The following HECTD2 variants were observed in gnomAD, a reference collection of about 807,000 sequenced individuals.
HECTD2 encodes HECT domain E3 ubiquitin protein ligase 2.
In HECTD2, 35 loss-of-function variants were observed where a neutral mutation model predicts 103.2. The ratio of observed to expected loss-of-function variants is 0.34; its 90% CI spans 0.26 to 0.45. The LOEUF (loss-of-function observed/expected upper bound fraction) is 0.45. Among genes scored for constraint, HECTD2 ranks in the 20% least tolerant of loss-of-function variants. HECTD2 has a pLI of 1.00. For missense variants in HECTD2, 596 were observed against 937.4 expected (o/e 0.64, Z 4.76); for synonymous variants, 281 against 329.9 (o/e 0.85, Z 1.61).
intron 2 of HECTD2, among the ~76,000 whole-genome samples, chr10:91,454,006 C>G (rs1844954405): frequency 6.6e-6 from 1 of 152,030 alleles, no homozygotes; most frequent in Non-Finnish European, 1.5e-5. Flanking sequence ...TGTGTACGCA[C>G]CAAACAGCAG....
At chr10:91,439,251 G>C (rs963215415) in intron 2 of HECTD2, among the ~76,000 whole-genome samples, 2 of 152,050 alleles carry the variant, frequency 1.3e-5, no homozygotes, top group African/African-American at 4.8e-5. Context: ...GTTAATTTTT[G>C]TATGAGGTGT....
intron 5 of HECTD2, among the ~76,000 whole-genome samples, chr10:91,476,673 A>G (rs1845912979): frequency 6.6e-6 from 1 of 152,188 alleles, no homozygotes; most frequent in African/African-American, 2.4e-5. Flanking sequence ...TGCTTGCCCT[A>G]TCCTGTTGCT....
At chr10:91,505,033 G>C (rs1036760946) in intron 20 of HECTD2, among the ~76,000 whole-genome samples, 1 of 151,994 alleles carries the variant, frequency 6.6e-6, no homozygotes, top group African/African-American at 2.4e-5. Flanking sequence ...AGCTTCATAA[G>C]TGAAGAAGAA....
At chr10:91,462,289 C>G in intron 5 of HECTD2, 105 bp downstream of exon 5, 2 of 1,249,082 alleles carry the variant, frequency 1.6e-6, no homozygotes, top group Non-Finnish European at 2.1e-6. Context: ...CTTAGAAACT[C>G]TGATACAATT....
chr10:91,478,899 G>A (rs915031563), intron 6 of HECTD2, among the ~76,000 whole-genome samples: 1 of 151,934 alleles, frequency 6.6e-6, no homozygotes, highest in Non-Finnish European at 1.5e-5. Flanking sequence ...ATTCTTAAAT[G>A]TAATGTTACA....
At chr10:91,508,024 G>T (rs1364420805) in intron 20 of HECTD2, among the ~76,000 whole-genome samples, 1 of 129,558 alleles carries the variant, frequency 7.7e-6, no homozygotes, top group Non-Finnish European at 1.5e-5. Context: ...AATGGGGAAA[G>T]GATTCCCTAT....
In HECTD2 at chr10:91,493,388, TTAA is replaced by T. The variant is rs78182738; in HGVS notation, c.1433-25_1433-23del. On this transcript the variant is annotated intron_variant, in intron 13 of 20. Transcript: ENST00000298068. ...CTTTGATTTTTTTAAGTCAATCATG[TTAA>T]TAATAACATTATTCGTGTGTTTTTT... 1,982 of 1,235,084 alleles carry T rather than the reference TTAA, an allele frequency of 1.6e-3. 27 individuals are homozygous for T. The East Asian group carries it at 0.036, about 22-fold the overall frequency. The allele number at this position is 1,235,084 out of a possible 1,614,324, so 76.5% of individuals were successfully genotyped here.
At chr10:91,445,640 T>A (rs1253690614) in intron 2 of HECTD2, among the ~76,000 whole-genome samples, 5 of 152,122 alleles carry the variant, frequency 3.3e-5, no homozygotes, top group Admixed American at 1.3e-4. Flanking sequence ...CCCAGTGAGA[T>A]CAACGCAGAA....
At position 91,513,742 on chromosome 10, in the gene HECTD2, A is replaced by G. The variant is rs536230565; in HGVS notation, c.*1358A>G. ...GTACCAGCATATGGTTCATATGCAA[A>G]TAATACTTTCCCCAAAATCTTTCTG... On this transcript the variant is annotated 3_prime_UTR_variant, in exon 21 of 21. Transcript: ENST00000298068. The G allele has an allele frequency of 6.5e-6, 1 of 152,754 alleles. No individual in the cohort carries two copies. Among genetic ancestry groups the G allele is most frequent in the Non-Finnish European group, 1.5e-5 (1 of 68,024 alleles). The allele number at this position is 152,754 out of a possible 1,614,324, so 9.5% of individuals were successfully genotyped here.
In HECTD2 at chr10:91,454,304, G is replaced by C. The variant is rs186632330; in HGVS notation, c.269-6123G>C. ...AAAACAACTGAAATTTTGAAGAATT[G>C]AGATAATGTAAAGTGTGTTTTCTGA... On this transcript the variant is annotated intron_variant, in intron 2 of 20. Coordinates refer to ENST00000298068, the MANE Select transcript of HECTD2 (RefSeq NM_182765.6). 2.6e-5 allele frequency among the ~76,000 whole-genome samples: 4 copies of C among 152,222 alleles called. No individual in the cohort carries two copies. The East Asian group carries it at 7.7e-4, about 29-fold the overall frequency.
At position 91,472,858 on chromosome 10, in the gene HECTD2, A is replaced by G. The variant is rs185263815; in HGVS notation, c.601-5343A>G. 2.2e-4 allele frequency among the ~76,000 whole-genome samples: 33 copies of G among 152,336 alleles called. No individual in the cohort carries two copies. In the East Asian group the frequency reaches 6.2e-3, roughly 28 times the overall value. ...TAAATTTTTAGAAGTAGAGAAATTA[A>G]TAGATTAAACAGCAGATTGGAGACT... is the stretch of plus-strand genomic sequence containing the variant. On this transcript the variant is annotated intron_variant, in intron 5 of 20. Coordinates refer to ENST00000298068, the MANE Select transcript of HECTD2 (RefSeq NM_182765.6).
intron 1 of HECTD2, among the ~76,000 whole-genome samples, chr10:91,414,032 A>T (rs1047633127): frequency 5.9e-5 from 9 of 152,222 alleles, no homozygotes; most frequent in Non-Finnish European, 1.0e-4. Flanking sequence ...ACACATGTTT[A>T]AAAAAGTGGT....
At chr10:91,473,219 G>A (rs1035544070) in intron 5 of HECTD2, among the ~76,000 whole-genome samples, 12 of 152,118 alleles carry the variant, frequency 7.9e-5, no homozygotes, top group African/African-American at 1.4e-4. Flanking sequence ...TAATCAAAGG[G>A]AAAAGACAAA....
chr10:91,421,463 A>G (rs1843355634), intron 1 of HECTD2, among the ~76,000 whole-genome samples: 3 of 152,168 alleles, frequency 2.0e-5, no homozygotes, highest in Admixed American at 1.3e-4. Flanking sequence ...TGTCACACAT[A>G]AAATACACTA....
At chr10:91,511,065 A>T (rs1847402018) in intron 20 of HECTD2, among the ~76,000 whole-genome samples, 1 of 152,232 alleles carries the variant, frequency 6.6e-6, no homozygotes, top group South Asian at 2.1e-4. Flanking sequence ...GTAAATGCTG[A>T]TTCTAGTAGT....
At chr10:91,439,327 A>G (rs1400817531) in intron 2 of HECTD2, among the ~76,000 whole-genome samples, 7 of 152,220 alleles carry the variant, frequency 4.6e-5, no homozygotes, top group Non-Finnish European at 1.0e-4. Context: ...CATTTATTAA[A>G]TAGGGAATCC....
chr10:91,490,975 A>C (rs577844762), intron 11 of HECTD2, among the ~76,000 whole-genome samples: 1 of 147,452 alleles, frequency 6.8e-6, no homozygotes, highest in East Asian at 2.0e-4. Flanking sequence ...AAGGTGAATT[A>C]TTTTTGGTCC....
chr10:91,431,589 T>C (rs1253170017), intron 2 of HECTD2, among the ~76,000 whole-genome samples: 1 of 152,068 alleles, frequency 6.6e-6, no homozygotes, highest in Non-Finnish European at 1.5e-5. Context: ...CTTTTTATTC[T>C]TTTTTCTCTA....
intron 5 of HECTD2, among the ~76,000 whole-genome samples, chr10:91,475,951 T>C (rs1845884921): frequency 6.6e-6 from 1 of 152,124 alleles, no homozygotes; most frequent in Non-Finnish European, 1.5e-5. Context: ...TACCCCAACT[T>C]CACTCTCTTT....
Sources: allele counts gnomAD v4.1 joint callset (sites outside exome capture counted in the v4.1 genomes callset), GRCh38; gene constraint gnomAD v4.1.1; transcripts MANE v1.5; gene names NCBI Gene and HGNC (gene_info 2026-07-23, HGNC 2026-07-21).